The following WDPCP variants were observed in gnomAD, a reference collection of about 807,000 sequenced individuals.
The protein encoded by WDPCP is WD repeat containing planar cell polarity effector, also known as WD repeat-containing and planar cell polarity effector protein fritz homolog.
In WDPCP, 71 loss-of-function variants were observed where a neutral mutation model predicts 93.1. The ratio of observed to expected loss-of-function variants is 0.76; its 90% CI spans 0.63 to 0.93. WDPCP has a LOEUF of 0.93. Ranked by LOEUF, WDPCP falls within the 40% of genes least tolerant of loss-of-function variation. WDPCP has a pLI of 0.00. For missense variants in WDPCP, 844 were observed against 887.4 expected, an observed-to-expected ratio of 0.95 and a Z score of 0.62; for synonymous variants, 315 against 315.0, an observed-to-expected ratio of 1.00 and a Z score of 0.00.
At chr2:63,645,142 C>G (rs1433452915) in intron 3 of WDPCP, among the ~76,000 whole-genome samples, 1 of 152,102 alleles carries the variant, frequency 6.6e-6, no homozygotes, top group Non-Finnish European at 1.5e-5. Flanking sequence ...TCACTTACAG[C>G]TATAAATTTC....
At chr2:63,573,509 T>C (rs1433892466) in intron 1 of WDPCP, among the ~76,000 whole-genome samples, 1 of 152,228 alleles carries the variant, frequency 6.6e-6, no homozygotes, top group African/African-American at 2.4e-5. Flanking sequence ...ATCAATACCC[T>C]TGTGATTTCC....
At chr2:63,523,862 G>T (rs1341341653) in intron 1 of WDPCP, among the ~76,000 whole-genome samples, 1 of 152,180 alleles carries the variant, frequency 6.6e-6, no homozygotes, top group African/African-American at 2.4e-5. Flanking sequence ...GGTGAGCCAA[G>T]ATCGCACAAT....
At chr2:63,609,668 T>C (rs1015771606) in intron 3 of WDPCP, among the ~76,000 whole-genome samples, 3 of 152,114 alleles carry the variant, frequency 2.0e-5, no homozygotes, top group Non-Finnish European at 4.4e-5. Context: ...GGTGGGAGGA[T>C]TGCAGACCAG....
At chr2:63,267,942 C>T (rs1333466924) in intron 13 of WDPCP, among the ~76,000 whole-genome samples, 1 of 152,056 alleles carries the variant, frequency 6.6e-6, no homozygotes, top group African/African-American at 2.4e-5. Context: ...ACTAAAAACA[C>T]CATATGATCT....
chr2:63,562,492 T>G (rs1389692294), intron 1 of WDPCP, among the ~76,000 whole-genome samples: 2 of 152,156 alleles, frequency 1.3e-5, no homozygotes, highest in Non-Finnish European at 1.5e-5. Context: ...CTGCACATCC[T>G]GCATATGTAT....
At chr2:63,319,907 A>G (rs1254175212) in intron 12 of WDPCP, among the ~76,000 whole-genome samples, 3 of 152,230 alleles carry the variant, frequency 2.0e-5, no homozygotes, top group Non-Finnish European at 2.9e-5. Flanking sequence ...ATCCATCAAC[A>G]ATGTAATTAA....
chr2:63,451,594 A>T (rs1223310065), intron 6 of WDPCP, among the ~76,000 whole-genome samples: 3 of 152,172 alleles, frequency 2.0e-5, no homozygotes, highest in South Asian at 2.1e-4. Context: ...ACTCATTTTA[A>T]GAGGCCAGCA....
At chr2:63,149,362 T>A (rs1559155794) in intron 17 of WDPCP, among the ~76,000 whole-genome samples, 1 of 151,992 alleles carries the variant, frequency 6.6e-6, no homozygotes, top group Non-Finnish European at 1.5e-5. Flanking sequence ...AAAACCTGAG[T>A]GTTTAAGTAT....
Position 63,487,495 on chromosome 2 carries a change from C to G in WDPCP, c.161-1G>C, listed in dbSNP as rs1177318115. The G allele has an allele frequency of 1.3e-6, 2 of 1,586,036 alleles. No individual in the cohort carries two copies. Among genetic ancestry groups the G allele is most frequent in the Non-Finnish European group, 1.7e-6 (2 of 1,155,980 alleles). On this transcript the variant is annotated splice_acceptor_variant, in intron 2 of 17. Coordinates refer to ENST00000272321, the MANE Select transcript of WDPCP (RefSeq NM_015910.7). LOFTEE classifies it high-confidence loss of function. ...TACTGGTAGATCCCAATGTCTCTAT[C>G]TATAGAAAGGAAGAAATAACATTAA...
intron 2 of WDPCP, among the ~76,000 whole-genome samples, chr2:63,691,729 T>C (rs1668893650): frequency 6.6e-6 from 1 of 152,166 alleles, no homozygotes; most frequent in African/African-American, 2.4e-5. Context: ...TTCATACTGA[T>C]GCTGAAGGAG....
intron 1 of WDPCP, among the ~76,000 whole-genome samples, chr2:63,533,057 A>G (rs1020893988): frequency 6.6e-6 from 1 of 152,216 alleles, no homozygotes; most frequent in Non-Finnish European, 1.5e-5. Context: ...AGGGGTTGCA[A>G]TCCTAGTCTC....
intron 2 of WDPCP, among the ~76,000 whole-genome samples, chr2:63,710,792 C>T (rs1419239097): frequency 6.6e-6 from 1 of 152,116 alleles, no homozygotes; most frequent in African/African-American, 2.4e-5. Flanking sequence ...TATCAGTCAT[C>T]CTTGGAAGTG....
At chr2:63,730,300 C>T (rs1484619435) in intron 2 of WDPCP, among the ~76,000 whole-genome samples, 2 of 152,026 alleles carry the variant, frequency 1.3e-5, no homozygotes, top group African/African-American at 4.8e-5. Context: ...TGAACTGAGG[C>T]TATCTGACTC....
chr2:63,123,905 T>G (rs1204600001), intron 17 of WDPCP, among the ~76,000 whole-genome samples: 1 of 150,956 alleles, frequency 6.6e-6, no homozygotes, highest in Non-Finnish European at 1.5e-5. Context: ...ATCTTTTCTT[T>G]TCTTTTTTTT....
chr2:63,507,533 G>A (rs574173231), intron 1 of WDPCP, among the ~76,000 whole-genome samples: 15 of 151,988 alleles, frequency 9.9e-5, no homozygotes, highest in East Asian at 9.7e-4. Flanking sequence ...AACCCAAGAA[G>A]GCGGATGATA....
At chr2:63,216,497 G>C (rs1182982079) in intron 14 of WDPCP, among the ~76,000 whole-genome samples, 1 of 152,070 alleles carries the variant, frequency 6.6e-6, no homozygotes, top group Non-Finnish European at 1.5e-5. Flanking sequence ...CTTATAGGTG[G>C]GAATTGAAGA....
rs372199830 is a variant in WDPCP at position 63,352,788 on chromosome 2, C to T, written c.1748+25598G>A. On this transcript the variant is annotated intron_variant, in intron 12 of 17. Transcript: ENST00000272321. ...AACATACATAAAGGAATGACACATT[C>T]TCTACTTGAGGGTGCAAGCTCTGTG... Among the ~76,000 whole-genome samples the T allele has an allele frequency of 5.3e-5, 8 of 152,260 alleles. No homozygotes were observed. In the South Asian group the frequency reaches 1.7e-3, roughly 32 times the overall value.
chr2:63,631,184 A>G (rs185754707), intron 3 of WDPCP, among the ~76,000 whole-genome samples: 7 of 152,100 alleles, frequency 4.6e-5, no homozygotes, highest in Admixed American at 1.3e-4. Flanking sequence ...AGGAGGCTGA[A>G]GCAGGAGAAT....
chr2:63,458,487 T>C (rs944671704), intron 6 of WDPCP, among the ~76,000 whole-genome samples: 3 of 151,982 alleles, frequency 2.0e-5, no homozygotes, highest in African/African-American at 7.3e-5. Flanking sequence ...ACAATCTCAT[T>C]TACAGTAACT....
Sources: allele counts gnomAD v4.1 joint callset (sites outside exome capture counted in the v4.1 genomes callset), GRCh38; gene constraint gnomAD v4.1.1; transcripts MANE v1.5; gene names NCBI Gene and HGNC (gene_info 2026-07-23, HGNC 2026-07-21).